The following EYA1 variants were observed in gnomAD, a reference collection of about 807,000 sequenced individuals.
EYA1 encodes EYA transcriptional coactivator and phosphatase 1.
In EYA1, 16 loss-of-function variants were observed where a neutral mutation model predicts 82.0. That is an observed-to-expected ratio of 0.20 (90% CI 0.13 to 0.30). EYA1 has a LOEUF of 0.30. Among genes scored for constraint, EYA1 ranks in the 10% least tolerant of loss-of-function variants. The pLI, the probability that EYA1 is intolerant of heterozygous loss-of-function variation, is 1.00. For missense variants in EYA1, 633 were observed against 730.7 expected (o/e 0.87, Z 1.54); for synonymous variants, 261 against 264.4 (o/e 0.99, Z 0.12).
chr8:71,357,779 T>C (rs914971904), intron 1 of EYA1, among the ~76,000 whole-genome samples: 4 of 152,228 alleles, frequency 2.6e-5, no homozygotes, highest in Non-Finnish European at 4.4e-5. Flanking sequence ...GTTTCTACAA[T>C]ACGTGCAGGA....
chr8:71,427,901 G>A (rs1280624903), intron 2 of EYA1, among the ~76,000 whole-genome samples: 1 of 151,564 alleles, frequency 6.6e-6, no homozygotes, highest in East Asian at 1.9e-4. Flanking sequence ...GGTTGCTTGA[G>A]CCTGGGAGGT....
intron 2 of EYA1, among the ~76,000 whole-genome samples, chr8:71,523,179 C>CTTTT (rs1160944112): frequency 2.5e-5 from 3 of 119,754 alleles, no homozygotes; most frequent in Admixed American, 9.2e-5. Context: ...TTTTCTTTTT[C>CTTTT]TTTTTTTTTT....
intron 12 of EYA1, among the ~76,000 whole-genome samples, chr8:71,228,735 G>C (rs1810852082): frequency 6.6e-6 from 1 of 152,016 alleles, no homozygotes; most frequent in Non-Finnish European, 1.5e-5. Context: ...GTCTATTCCA[G>C]GCACCACACA....
intron 11 of EYA1, among the ~76,000 whole-genome samples, chr8:71,257,965 T>C (rs1446365826): frequency 6.6e-6 from 1 of 152,196 alleles, no homozygotes; most frequent in East Asian, 1.9e-4. Context: ...TCTTGCTAGT[T>C]AAATGATGTA....
Position 71,226,415 on chromosome 8 carries a change from A to G in EYA1, c.1141-9392T>C, listed in dbSNP as rs527791384. ...GTGGAGTTCCTTCTTTCTCACCATG[A>G]ATGCCTTCTTTACCACATGATATTA... is the stretch of plus-strand genomic sequence containing the variant. On this transcript the variant is annotated intron_variant, in intron 12 of 17. Transcript: ENST00000340726. 7.2e-5 allele frequency among the ~76,000 whole-genome samples: 11 copies of G among 151,822 alleles called. No individual in the cohort carries two copies. In the East Asian group the frequency reaches 2.0e-3, roughly 27 times the overall value.
intron 2 of EYA1, among the ~76,000 whole-genome samples, chr8:71,393,913 G>A (rs1829429973): frequency 6.6e-6 from 1 of 152,230 alleles, no homozygotes; most frequent in African/African-American, 2.4e-5. Flanking sequence ...CCCACCAACA[G>A]TGTAAAAGCA....
intron 7 of EYA1, among the ~76,000 whole-genome samples, chr8:71,305,515 C>A (rs1820629744): frequency 6.7e-6 from 1 of 149,904 alleles, no homozygotes; most frequent in African/African-American, 2.4e-5. Context: ...CAAAAATTAG[C>A]CGGATGTGTA....
chr8:71,369,032 C>CAAAAA (rs60647486), intron 2 of EYA1, among the ~76,000 whole-genome samples: 4 of 112,844 alleles, frequency 3.5e-5, no homozygotes, highest in Non-Finnish European at 5.2e-5. Context: ...ACTAAAAATA[C>CAAAAA]AAAAAAAAAA....
chr8:71,468,562 T>C (rs1808941978), intron 2 of EYA1, among the ~76,000 whole-genome samples: 1 of 152,188 alleles, frequency 6.6e-6, no homozygotes. Flanking sequence ...TGCCACTGAA[T>C]TGTATACTCT....
intron 2 of EYA1, among the ~76,000 whole-genome samples, chr8:71,398,615 T>C (rs962744649): frequency 4.6e-5 from 7 of 152,218 alleles, no homozygotes; most frequent in African/African-American, 1.2e-4. Context: ...ACAGCAAATA[T>C]TGCAGAACAG....
rs765646278 is a variant in EYA1 at position 71,354,794 on chromosome 8, T to C, written c.112A>G (p.Asn38Asp). Residue 38 changes from asparagine (N) to aspartate (D), a missense_variant, in exon 3 of 18, where the codon AAT becomes GAT. Coordinates refer to ENST00000340726, the MANE Select transcript of EYA1 (RefSeq NM_000503.6). ...GGCAGACACTCACCTTCGGTGCCAT[T>C]GGGAGTCATGGAATTACTATTTATA... Reference protein sequence around the residue: ...SHINSNSMTPNGTEVKTEPMS... With the variant: ...SHINSNSMTPDGTEVKTEPMS... The C allele has an allele frequency of 6.8e-6, 11 of 1,613,320 alleles. No homozygotes were observed. In the Admixed American group the frequency reaches 1.8e-4, roughly 27 times the overall value.
At chr8:71,492,801 G>A (rs1255665165) in intron 2 of EYA1, among the ~76,000 whole-genome samples, 1 of 152,114 alleles carries the variant, frequency 6.6e-6, no homozygotes, top group Non-Finnish European at 1.5e-5. Context: ...TACATGTGTA[G>A]GTTTGTTACA....
chr8:71,480,040 T>G (rs1261867226), intron 2 of EYA1, among the ~76,000 whole-genome samples: 2 of 152,118 alleles, frequency 1.3e-5, no homozygotes, highest in Non-Finnish European at 2.9e-5. Flanking sequence ...GTCACTTAAA[T>G]TTTTTATTTC....
intron 2 of EYA1, among the ~76,000 whole-genome samples, chr8:71,386,662 T>C (rs961284697): frequency 6.6e-6 from 1 of 152,184 alleles, no homozygotes; most frequent in African/African-American, 2.4e-5. Context: ...TTTTTCTCCA[T>C]TGTGTATAAT....
intron 11 of EYA1, among the ~76,000 whole-genome samples, chr8:71,261,852 C>T (rs888613836): frequency 6.6e-6 from 1 of 152,142 alleles, no homozygotes; most frequent in African/African-American, 2.4e-5. Context: ...TAATGACTCT[C>T]CTACCTCCCT....
intron 2 of EYA1, among the ~76,000 whole-genome samples, chr8:71,421,308 A>G (rs997534846): frequency 1.3e-5 from 2 of 152,220 alleles, no homozygotes; most frequent in Non-Finnish European, 2.9e-5. Context: ...ACAGACTTAG[A>G]GAACTATGGA....
chr8:71,439,992 T>A (rs1806294534), intron 2 of EYA1, among the ~76,000 whole-genome samples: 1 of 152,134 alleles, frequency 6.6e-6, no homozygotes, highest in Admixed American at 6.5e-5. Flanking sequence ...AAATAATAAT[T>A]ATTTTTAAAG....
At position 71,356,480 on chromosome 8, in the gene EYA1, GCAA is replaced by G. The variant is rs1476205782; in HGVS notation, c.-26_-24del. The G allele has an allele frequency of 2.5e-6, 4 of 1,585,080 alleles. No homozygotes were observed. Among genetic ancestry groups the G allele is most frequent in the Non-Finnish European group, 3.4e-6 (4 of 1,164,626 alleles). ...TCCTTACCTGCAACTTGAGGAAACA[GCAA>G]CATCTGAACTGGCTTGAGATGTTTG... On this transcript the variant is annotated 5_prime_UTR_variant, in exon 2 of 18. Transcript: ENST00000340726.
chr8:71,317,761 T>C, intron 6 of EYA1, 72 bp from the exon 7 acceptor site: 1 of 1,419,628 alleles, frequency 7.0e-7, no homozygotes, highest in Non-Finnish European at 9.9e-7. Flanking sequence ...AACATACACT[T>C]CCACAACCGT....
Sources: allele counts gnomAD v4.1 joint callset (sites outside exome capture counted in the v4.1 genomes callset), GRCh38; gene constraint gnomAD v4.1.1; transcripts MANE v1.5; gene names NCBI Gene and HGNC (gene_info 2026-07-23, HGNC 2026-07-21).